Variants in DGKI observed in about 807,000 individuals in gnomAD.
DGKI encodes the protein diacylglycerol kinase iota.
A neutral mutation model predicts 147.5 loss-of-function variants in DGKI; 55 were observed. That is an observed-to-expected ratio of 0.37 (90% CI 0.30 to 0.47). The LOEUF is 0.47. Among genes scored for constraint, DGKI ranks in the 20% least tolerant of loss-of-function variants. The pLI is 1.00. For synonymous variants in DGKI, 469 were observed against 477.1 expected (o/e 0.98, Z 0.22); for missense variants, 1,007 against 1,323.8 (o/e 0.76, Z 3.71).
At chr7:137,818,067 G>C (rs1387346092) in intron 1 of DGKI, among the ~76,000 whole-genome samples, 2 of 152,098 alleles carry the variant, frequency 1.3e-5, no homozygotes, top group Non-Finnish European at 2.9e-5. Context: ...TATTCCATTT[G>C]GTTACAAAGA....
intron 1 of DGKI, among the ~76,000 whole-genome samples, chr7:137,703,870 A>C (rs983625025): frequency 2.0e-5 from 3 of 152,234 alleles, no homozygotes; most frequent in Non-Finnish European, 4.4e-5. Context: ...CATACACAGG[A>C]AATGAGCAAG....
At chr7:137,401,540 G>C (rs1299075609) in intron 30 of DGKI, among the ~76,000 whole-genome samples, 1 of 151,914 alleles carries the variant, frequency 6.6e-6, no homozygotes, top group Non-Finnish European at 1.5e-5. Context: ...TAAAAATAAA[G>C]ATAATTGAAT....
intron 28 of DGKI, among the ~76,000 whole-genome samples, chr7:137,416,545 G>A (rs1232110374): frequency 6.6e-6 from 1 of 152,204 alleles, no homozygotes; most frequent in Admixed American, 6.5e-5. Context: ...TCCAAGGAGT[G>A]AGTCTGACAC....
intron 23 of DGKI, among the ~76,000 whole-genome samples, chr7:137,483,025 A>G (rs1181408365): frequency 1.3e-5 from 2 of 152,128 alleles, no homozygotes; most frequent in African/African-American, 4.8e-5. Flanking sequence ...CTTGACTGTA[A>G]GTAAACAAAA....
At chr7:137,624,080 T>A (rs953185271) in intron 6 of DGKI, among the ~76,000 whole-genome samples, 6 of 152,276 alleles carry the variant, frequency 3.9e-5, no homozygotes, top group African/African-American at 1.2e-4. Context: ...CCTTGAGATG[T>A]CTCCACTCAA....
chr7:137,500,252 A>G (rs1201250548), intron 21 of DGKI, among the ~76,000 whole-genome samples: 1 of 152,016 alleles, frequency 6.6e-6, no homozygotes, highest in Non-Finnish European at 1.5e-5. Context: ...CTCTTTCCCT[A>G]TTTCCTGTTG....
chr7:137,633,147 G>A (rs999586102), intron 6 of DGKI, among the ~76,000 whole-genome samples: 5 of 151,450 alleles, frequency 3.3e-5, no homozygotes, highest in Admixed American at 3.3e-4. Context: ...AGGAGGCGGA[G>A]GTTGTGGTGA....
chr7:137,744,837 C>T (rs1421544624), intron 1 of DGKI, among the ~76,000 whole-genome samples: 2 of 152,102 alleles, frequency 1.3e-5, no homozygotes, highest in Non-Finnish European at 2.9e-5. Context: ...CAATAAAATC[C>T]AACATCCGTT....
intron 29 of DGKI, 62 bp downstream of exon 29, chr7:137,412,108 G>A: frequency 1.4e-6 from 2 of 1,443,308 alleles, no homozygotes; most frequent in East Asian, 4.5e-5. Flanking sequence ...GTTTTGATGA[G>A]GAATGATGTT....
At chr7:137,649,898 T>A (rs889602415) in intron 5 of DGKI, among the ~76,000 whole-genome samples, 7 of 151,812 alleles carry the variant, frequency 4.6e-5, no homozygotes, top group African/African-American at 1.7e-4. Context: ...CTCCAACAAA[T>A]ATTTATTTAA....
intron 20 of DGKI, among the ~76,000 whole-genome samples, chr7:137,525,768 C>T (rs1454896648): frequency 6.6e-6 from 1 of 152,146 alleles, no homozygotes; most frequent in East Asian, 1.9e-4. Context: ...GAAAATCGTT[C>T]TCCTAGATAA....
rs1373724306 is a variant in DGKI, at chr7:137,390,505, C to T, written c.*715G>A. 1 of 153,050 alleles carries T rather than the reference C, an allele frequency of 6.5e-6. No individual in the cohort carries two copies. The highest frequency in any genetic ancestry group is 1.5e-5 in the Non-Finnish European group (1 of 68,432). 9.5% of individuals were successfully genotyped at this position (153,050 alleles called of 1,614,324 possible). A position where few individuals can be genotyped will look rare whatever the true frequency, so the allele number is the denominator to read the frequency against. ...CAGCCTGGGCTGACCCCTGGGTTAC[C>T]TCTCTGAGGTACCTCCAAGCACAGA... On this transcript the variant is annotated 3_prime_UTR_variant, in exon 33 of 33. Coordinates refer to ENST00000614521, the MANE Select transcript of DGKI (RefSeq NM_001321708.2).
intron 15 of DGKI, among the ~76,000 whole-genome samples, chr7:137,581,566 A>G (rs946496447): frequency 6.6e-6 from 1 of 152,146 alleles, no homozygotes; most frequent in Non-Finnish European, 1.5e-5. Context: ...ATAAAGATTA[A>G]CAATCCCAAG....
chr7:137,618,173 A>C (rs1820613882), intron 8 of DGKI, among the ~76,000 whole-genome samples: 1 of 79,072 alleles, frequency 1.3e-5, no homozygotes, highest in Non-Finnish European at 2.3e-5. Context: ...TTACTCTATC[A>C]TTCCTTTGCT....
chr7:137,692,849 A>C (rs1823659634), intron 1 of DGKI, among the ~76,000 whole-genome samples: 1 of 152,194 alleles, frequency 6.6e-6, no homozygotes, highest in Non-Finnish European at 1.5e-5. Context: ...TACACACATA[A>C]ACATTAATTA....
At chr7:137,789,755 C>T (rs757905054) in intron 1 of DGKI, among the ~76,000 whole-genome samples, 9 of 152,200 alleles carry the variant, frequency 5.9e-5, no homozygotes, top group Non-Finnish European at 1.3e-4. Flanking sequence ...ACACAAGCAA[C>T]ATTCCTATCA....
intron 15 of DGKI, 136 bp downstream of exon 15, chr7:137,581,714 G>C: frequency 1.4e-6 from 1 of 699,982 alleles, no homozygotes; most frequent in Non-Finnish European, 2.4e-6. Flanking sequence ...AGCTCCCAGA[G>C]TCATCCTGAA....
rs75306260 is a variant in DGKI, at chr7:137,507,417, T to C, written c.2248+14449A>G. On this transcript the variant is annotated intron_variant, in intron 21 of 32. Transcript: ENST00000614521. ...TTCTCTAGAAATTTGGGTTTCCAAG[T>C]ACAGATCCAATTCTGCTTTTATCAT... 5.6e-3 allele frequency among the ~76,000 whole-genome samples: 847 copies of C among 152,260 alleles called. 3 individuals are homozygous for C. The highest frequency in any genetic ancestry group is 0.011 in the Admixed American group (170 of 15,298).
chr7:137,793,033 A>G (rs905545155), intron 1 of DGKI, among the ~76,000 whole-genome samples: 1 of 152,238 alleles, frequency 6.6e-6, no homozygotes, highest in African/African-American at 2.4e-5. Context: ...GAGGATGGTA[A>G]AGAATAGTTG....
Sources: allele counts gnomAD v4.1 joint callset (sites outside exome capture counted in the v4.1 genomes callset), GRCh38; gene constraint gnomAD v4.1.1; transcripts MANE v1.5; gene names NCBI Gene and HGNC (gene_info 2026-07-23, HGNC 2026-07-21).